Variants in RCHY1 observed in about 807,000 individuals in gnomAD.
RCHY1 encodes ring finger and CHY zinc finger domain containing 1, also known as RING finger and CHY zinc finger domain-containing protein 1.
Under a neutral mutation model 41.6 loss-of-function variants are expected in RCHY1, and 21 were observed. That is an observed-to-expected ratio of 0.51 (90% CI 0.36 to 0.73). The LOEUF (loss-of-function observed/expected upper bound fraction) is 0.73. RCHY1 is among the 30% of genes least tolerant of loss of function. The pLI is 0.00. For synonymous variants in RCHY1, 79 were observed against 102.9 expected (o/e 0.77, Z 1.41); for missense variants, 265 against 325.3 (o/e 0.81, Z 1.43).
chr4:75,507,099 G>C (rs1022001864), intron 3 of RCHY1, among the ~76,000 whole-genome samples: 1 of 151,896 alleles, frequency 6.6e-6, no homozygotes, highest in Admixed American at 6.6e-5. Flanking sequence ...CTGAGAGAAT[G>C]TATCATCAGC....
At chr4:75,497,956 C>T (rs1162355112) in intron 3 of RCHY1, among the ~76,000 whole-genome samples, 1 of 150,994 alleles carries the variant, frequency 6.6e-6, no homozygotes, top group Non-Finnish European at 1.5e-5. Context: ...GACTGGATTA[C>T]CCCCGGGACA....
At chr4:75,500,124 G>A (rs936957368) in intron 3 of RCHY1, among the ~76,000 whole-genome samples, 3 of 152,174 alleles carry the variant, frequency 2.0e-5, no homozygotes, top group African/African-American at 7.2e-5. Flanking sequence ...CTGGGCAACA[G>A]AGCAAGACCC....
rs1376996911 is a variant in RCHY1 at position 75,480,218 on chromosome 4, C to T, written c.*2320G>A. 3 of 152,046 alleles carry T rather than the reference C, an allele frequency of 2.0e-5. No homozygotes were observed. The highest frequency in any genetic ancestry group is 6.3e-3 in the Middle Eastern group (2 of 316). The allele number at this position is 152,046 out of a possible 1,614,324, so 9.4% of individuals were successfully genotyped here. On this transcript the variant is annotated 3_prime_UTR_variant, in exon 9 of 9. Coordinates refer to ENST00000324439, the MANE Select transcript of RCHY1 (RefSeq NM_015436.4). Reference sequence around the variant, plus strand: ...ACTAGACAGCATAAACGAGTGATTGCATATGTACTCTGCATTATTTTGGAC... The same window carrying T: ...ACTAGACAGCATAAACGAGTGATTGTATATGTACTCTGCATTATTTTGGAC...
upstream of RCHY1, chr4:75,514,450 G>C: frequency 1.3e-6 from 1 of 742,784 alleles, no homozygotes; most frequent in Admixed American, 3.0e-5. Flanking sequence ...CGGTTCCCGG[G>C]GCTACGAGGC....
chr4:75,514,191 C>T lies in RCHY1; in HGVS notation c.90+6G>A, dbSNP rs1725289717. The T allele has an allele frequency of 2.4e-5, 38 of 1,607,258 alleles. No individual in the cohort carries two copies. Among genetic ancestry groups the T allele is most frequent in the Non-Finnish European group, 3.2e-5 (38 of 1,174,504 alleles). On this transcript the variant is annotated splice_donor_region_variant and intron_variant, in intron 1 of 8. Transcript: ENST00000324439. Reference sequence around the variant, plus strand: ...TTGTCAGGGAAGAGTCCATAGAAGGCGTCACCTTTAGGAGACATCCTCTGT... The same window carrying T: ...TTGTCAGGGAAGAGTCCATAGAAGGTGTCACCTTTAGGAGACATCCTCTGT...
At chr4:75,505,523 T>C (rs557573163) in intron 3 of RCHY1, among the ~76,000 whole-genome samples, 1 of 152,260 alleles carries the variant, frequency 6.6e-6, no homozygotes, top group East Asian at 1.9e-4. Context: ...AAGCTATGTG[T>C]AGATATGATA....
chr4:75,480,466 T>C lies in RCHY1; in HGVS notation c.*2072A>G, dbSNP rs983461088. ...TTGGATCTGATTCCCAACTCCAACA[T>C]ATAGTGTCTGTTATTTACCCCCAAT... On this transcript the variant is annotated 3_prime_UTR_variant, in exon 9 of 9. Transcript: ENST00000324439. The C allele has an allele frequency of 6.6e-6, 1 of 152,180 alleles. No homozygotes were observed. Among genetic ancestry groups the C allele is most frequent in the African/African-American group, 2.4e-5 (1 of 41,448 alleles). 9.4% of individuals were successfully genotyped at this position (152,180 alleles called of 1,614,324 possible). A position where few individuals can be genotyped will look rare whatever the true frequency, so the allele number is the denominator to read the frequency against.
chr4:75,494,528 T>C, intron 3 of RCHY1: 2 of 204,308 alleles, frequency 9.8e-6, no homozygotes, highest in Non-Finnish European at 1.9e-5. Flanking sequence ...ATTTTATGTC[T>C]GTCTACACAG....
intron 3 of RCHY1, among the ~76,000 whole-genome samples, chr4:75,495,840 C>T (rs6838603): frequency 0.3 from 46,147 of 151,918 alleles, 7,441 homozygotes; most frequent in Non-Finnish European, 0.35. Context: ...TAATACTACC[C>T]TTTCCTGATT....
intron 3 of RCHY1, among the ~76,000 whole-genome samples, chr4:75,497,430 C>T (rs919031053): frequency 1.3e-5 from 2 of 152,132 alleles, no homozygotes; most frequent in African/African-American, 4.8e-5. Context: ...TGAGCTGTAA[C>T]CAATCCAGCT....
At chr4:75,513,637 G>T (rs529795649) in intron 1 of RCHY1, among the ~76,000 whole-genome samples, 265 of 152,264 alleles carry the variant, frequency 1.7e-3, no homozygotes, top group Non-Finnish European at 2.0e-3. Flanking sequence ...AGTTTTCTCA[G>T]AGTAACAATA....
chr4:75,483,477 C>T (rs577428627), intron 8 of RCHY1, among the ~76,000 whole-genome samples: 12 of 152,210 alleles, frequency 7.9e-5, no homozygotes, highest in Admixed American at 6.5e-4. Flanking sequence ...ATGAGTGTTT[C>T]CTTTTTGGGA....
At chr4:75,511,291 T>C (rs573484610) in intron 1 of RCHY1, among the ~76,000 whole-genome samples, 149 of 152,304 alleles carry the variant, frequency 9.8e-4, no homozygotes, top group South Asian at 1.9e-3. Flanking sequence ...AAAAGTCTTT[T>C]AAAAAGCTTC....
At chr4:75,484,316 G>GT (rs1160151554) in intron 8 of RCHY1, among the ~76,000 whole-genome samples, 1 of 152,062 alleles carries the variant, frequency 6.6e-6, no homozygotes, top group East Asian at 1.9e-4. Context: ...AGCTATCCAA[G>GT]TTTTTTTGAA....
intron 7 of RCHY1, chr4:75,491,356 TG>T (rs1722732675): frequency 2.8e-6 from 1 of 356,592 alleles, no homozygotes; most frequent in Non-Finnish European, 5.1e-6. Context: ...CTGGTATATA[TG>T]GCCAGAAAAA....
intron 3 of RCHY1, among the ~76,000 whole-genome samples, chr4:75,494,757 G>A (rs1723032972): frequency 6.9e-6 from 1 of 145,270 alleles, no homozygotes; most frequent in Non-Finnish European, 1.5e-5. Context: ...CATTAATTGT[G>A]ATACTGCCAA....
rs374316282 is a variant in RCHY1, at chr4:75,503,257, T to A, written c.326+5563A>T. Reference sequence around the variant, plus strand: ...TCACCTGGGAAAAAACTCTCCCCAGTTGAGAACCAGTGCTCTGGACTCTAA... The same window carrying A: ...TCACCTGGGAAAAAACTCTCCCCAGATGAGAACCAGTGCTCTGGACTCTAA... On this transcript the variant is annotated intron_variant, in intron 3 of 8. Coordinates refer to ENST00000324439, the MANE Select transcript of RCHY1 (RefSeq NM_015436.4). Among the ~76,000 whole-genome samples the A allele has an allele frequency of 6.6e-5, 10 of 152,326 alleles. No homozygotes were observed. In the East Asian group the frequency reaches 1.7e-3, roughly 26 times the overall value.
intron 3 of RCHY1, among the ~76,000 whole-genome samples, chr4:75,507,271 T>A (rs941315290): frequency 3.9e-5 from 6 of 152,022 alleles, no homozygotes; most frequent in African/African-American, 1.2e-4. Flanking sequence ...CCTAATATTG[T>A]CCAAGAAGTG....
chr4:75,491,766 C>T lies in RCHY1; in HGVS notation c.467G>A (p.Arg156His), dbSNP rs1280152184. The T allele has an allele frequency of 1.1e-5, 17 of 1,612,656 alleles. No individual in the cohort carries two copies. The highest frequency in any genetic ancestry group is 1.6e-4 in the Middle Eastern group (1 of 6,078). The change falls in exon 6 of 9, where the codon CGT (arginine) becomes CAT (histidine). Residue 156 changes from arginine to histidine, a missense_variant. Transcript: ENST00000324439. ...ACATGGCAAGACATGAGCAACAACA[C>T]GGGATGTGTGAATGTCCTGTAAATG... ...PICLEDIHTS[R>H]VVAHVLPCGH...
Sources: allele counts gnomAD v4.1 joint callset (sites outside exome capture counted in the v4.1 genomes callset), GRCh38; gene constraint gnomAD v4.1.1; transcripts MANE v1.5; gene names NCBI Gene and HGNC (gene_info 2026-07-23, HGNC 2026-07-21).